The following MDGA2 variants were observed in gnomAD, a reference collection of about 807,000 sequenced individuals.
The protein encoded by MDGA2 is MAM domain-containing glycosylphosphatidylinositol anchor protein 2.
In MDGA2, 40 loss-of-function variants were observed where a neutral mutation model predicts 117.8. That is an observed-to-expected ratio of 0.34 (90% CI 0.26 to 0.44). MDGA2 has a LOEUF of 0.44. Among genes scored for constraint, MDGA2 ranks in the 20% least tolerant of loss-of-function variants. The probability of loss-of-function intolerance (pLI) is 1.00; values close to 1 mark genes in which losing one functional copy is unlikely to be tolerated. For missense variants in MDGA2, 1,123 were observed against 1,250.6 expected, an observed-to-expected ratio of 0.90 and a Z score of 1.54; for synonymous variants, 452 against 439.0, an observed-to-expected ratio of 1.03 and a Z score of -0.37.
rs562352517 is a variant in MDGA2 at position 47,200,210 on chromosome 14, G to A, written c.595+17811C>T. Among the ~76,000 whole-genome samples, 60 of 152,054 alleles carry A rather than the reference G, an allele frequency of 3.9e-4. 1 individual carries two copies. Among genetic ancestry groups the A allele is most frequent in the African/African-American group, 1.3e-3 (56 of 41,534 alleles). ...AAAAGGAAGAAGAAAGAACCTAATAGTGGAGAAGCCTTAGCACAAAAAAAT... is the reference window on the plus strand; with the variant it reads ...AAAAGGAAGAAGAAAGAACCTAATAATGGAGAAGCCTTAGCACAAAAAAAT... On this transcript the variant is annotated intron_variant, in intron 3 of 16. Transcript: ENST00000399232.
intron 2 of MDGA2, among the ~76,000 whole-genome samples, chr14:47,296,073 AT>A (rs1889062827): frequency 6.6e-6 from 1 of 152,136 alleles, no homozygotes; most frequent in African/African-American, 2.4e-5. Context: ...TAAAAATATC[AT>A]TTTGAAGCTG....
At chr14:47,530,397 G>T (rs1895071393) in intron 1 of MDGA2, among the ~76,000 whole-genome samples, 1 of 152,072 alleles carries the variant, frequency 6.6e-6, no homozygotes, top group Non-Finnish European at 1.5e-5. Context: ...CTAATCATAG[G>T]TTATGGAAAG....
At chr14:47,589,635 T>G (rs1896398288) in intron 1 of MDGA2, among the ~76,000 whole-genome samples, 1 of 151,960 alleles carries the variant, frequency 6.6e-6, no homozygotes, top group African/African-American at 2.4e-5. Context: ...GCAACACTGT[T>G]TTAGGTATTC....
At chr14:47,522,152 A>G (rs983409338) in intron 1 of MDGA2, among the ~76,000 whole-genome samples, 15 of 152,148 alleles carry the variant, frequency 9.9e-5, no homozygotes, top group African/African-American at 3.4e-4. Context: ...ATATAAACCA[A>G]TGGTTAGAAA....
intron 8 of MDGA2, among the ~76,000 whole-genome samples, chr14:46,992,680 G>A (rs1050095719): frequency 2.6e-5 from 4 of 152,086 alleles, no homozygotes; most frequent in African/African-American, 4.8e-5. Context: ...GATAGAGACC[G>A]GAGTTCTCCA....
chr14:47,633,377 AG>A (rs1443088717), intron 1 of MDGA2, among the ~76,000 whole-genome samples: 2 of 152,174 alleles, frequency 1.3e-5, no homozygotes, highest in Admixed American at 1.3e-4. Context: ...CCAACTACAC[AG>A]GCTGTGCACT....
chr14:46,931,189 T>C (rs1385379884), intron 9 of MDGA2, among the ~76,000 whole-genome samples: 1 of 120,658 alleles, frequency 8.3e-6, no homozygotes, highest in African/African-American at 3.4e-5. Flanking sequence ...CACTCCAGCA[T>C]GGGTGACAGA....
intron 2 of MDGA2, among the ~76,000 whole-genome samples, chr14:47,231,984 T>G (rs1417668016): frequency 6.6e-6 from 1 of 152,070 alleles, no homozygotes; most frequent in Non-Finnish European, 1.5e-5. Context: ...GATAGGAAAG[T>G]TCTCCATATG....
At chr14:46,977,312 G>C (rs371297935) in intron 8 of MDGA2, among the ~76,000 whole-genome samples, 2 of 151,584 alleles carry the variant, frequency 1.3e-5, no homozygotes, top group Non-Finnish European at 3.0e-5. Flanking sequence ...ATATGAATGG[G>C]AGGGGTTGAA....
At chr14:47,487,391 T>C (rs1464304544) in intron 1 of MDGA2, among the ~76,000 whole-genome samples, 2 of 152,174 alleles carry the variant, frequency 1.3e-5, no homozygotes, top group African/African-American at 2.4e-5. Flanking sequence ...CTTGGGCAGC[T>C]TACCAAATAT....
At chr14:47,661,757 T>C (rs1897852127) in intron 1 of MDGA2, among the ~76,000 whole-genome samples, 1 of 147,498 alleles carries the variant, frequency 6.8e-6, no homozygotes, top group Non-Finnish European at 1.5e-5. Context: ...TTTTTTTTTT[T>C]TTTTTTTTTT....
At chr14:47,193,285 T>C (rs1057099009) in intron 3 of MDGA2, among the ~76,000 whole-genome samples, 1 of 152,190 alleles carries the variant, frequency 6.6e-6, no homozygotes, top group Non-Finnish European at 1.5e-5. Context: ...CATCTTACCT[T>C]ATTATATTGT....
At chr14:47,573,207 A>G (rs1896053494) in intron 1 of MDGA2, among the ~76,000 whole-genome samples, 2 of 152,192 alleles carry the variant, frequency 1.3e-5, no homozygotes, top group Admixed American at 6.5e-5. Context: ...GTTCCATCAA[A>G]ATATCAATGA....
chr14:47,168,137 T>C (rs538914066), intron 3 of MDGA2, among the ~76,000 whole-genome samples: 1 of 152,216 alleles, frequency 6.6e-6, no homozygotes, highest in South Asian at 2.1e-4. Flanking sequence ...GACAACTGCC[T>C]TCCCTTCTCT....
chr14:47,594,559 C>G lies in MDGA2; in HGVS notation c.280+79958G>C, dbSNP rs547942537. On this transcript the variant is annotated intron_variant, in intron 1 of 16. Coordinates refer to ENST00000399232, the MANE Select transcript of MDGA2 (RefSeq NM_001113498.3). ...GGACTCTTTCATTTTATGAAATACT[C>G]TAGGTCCAGTGCTCCTCAAAAGTTA... Among the ~76,000 whole-genome samples, 37 of 152,312 alleles carry G rather than the reference C, an allele frequency of 2.4e-4. No individual in the cohort carries two copies. The South Asian group carries it at 7.0e-3, about 29-fold the overall frequency.
chr14:47,113,804 T>G (rs1881175924), intron 5 of MDGA2, among the ~76,000 whole-genome samples: 1 of 152,156 alleles, frequency 6.6e-6, no homozygotes, highest in Non-Finnish European at 1.5e-5. Flanking sequence ...AATATCATAC[T>G]GAATGGGCAA....
chr14:47,315,586 A>G (rs550029369), intron 1 of MDGA2, among the ~76,000 whole-genome samples: 1 of 152,154 alleles, frequency 6.6e-6, no homozygotes, highest in East Asian at 1.9e-4. Flanking sequence ...AATGAAACTC[A>G]ACAGCTTCTT....
At chr14:46,930,737 A>G (rs755714820) in intron 9 of MDGA2, among the ~76,000 whole-genome samples, 19 of 152,016 alleles carry the variant, frequency 1.2e-4, no homozygotes, top group Admixed American at 2.0e-4. Context: ...TAAATACAAT[A>G]CCTCCATGAA....
rs187691367 is a variant in MDGA2, at chr14:47,409,194, T to G, written c.281-107644A>C. ...GATTTAAAAGCTTCAAGAGCCAATG[T>G]GGCTGCTGTATTGAACATAGCCCGT... is the stretch of plus-strand genomic sequence containing the variant. On this transcript the variant is annotated intron_variant, in intron 1 of 16. Coordinates refer to ENST00000399232, the MANE Select transcript of MDGA2 (RefSeq NM_001113498.3). 2.0e-5 allele frequency among the ~76,000 whole-genome samples: 3 copies of G among 152,338 alleles called. No individual in the cohort carries two copies. The East Asian group carries it at 5.8e-4, about 29-fold the overall frequency.
Sources: allele counts gnomAD v4.1 joint callset (sites outside exome capture counted in the v4.1 genomes callset), GRCh38; gene constraint gnomAD v4.1.1; transcripts MANE v1.5; gene names NCBI Gene and HGNC (gene_info 2026-07-23, HGNC 2026-07-21).